The following MYRF variants were observed in gnomAD, a reference collection of about 807,000 sequenced individuals.
The protein encoded by MYRF is myelin regulatory factor.
Under a neutral mutation model 126.3 loss-of-function variants are expected in MYRF, and 16 were observed. The observed-to-expected ratio is 0.13, with a 90% CI of 0.09 to 0.19. MYRF has a LOEUF of 0.19. Among genes scored for constraint, MYRF ranks in the 10% least tolerant of loss-of-function variants. MYRF has a pLI of 1.00. For missense variants in MYRF, 1,104 were observed against 1,547.0 expected, an observed-to-expected ratio of 0.71 and a Z score of 4.80; for synonymous variants, 608 against 635.3, an observed-to-expected ratio of 0.96 and a Z score of 0.65.
Position 61,779,489 on chromosome 11 carries a change from TTGC to T in MYRF, c.2175-5_2175-3del. ...AGGGACACCCCTGATCCTGGCCCTC[TTGC>T]TGCAGCCATGCAGGGAGCCAGTTCA... On this transcript the variant is annotated splice_region_variant and splice_polypyrimidine_tract_variant and intron_variant, in intron 15 of 26. Coordinates refer to ENST00000278836, the MANE Select transcript of MYRF (RefSeq NM_001127392.3). 2.6e-6 allele frequency: 4 copies of T among 1,532,648 alleles called. No homozygotes were observed. The highest frequency in any genetic ancestry group is 3.5e-6 in the Non-Finnish European group (4 of 1,136,820). The allele number at this position is 1,532,648 out of a possible 1,614,324, so 94.9% of individuals were successfully genotyped here.
At position 61,770,352 on chromosome 11, in the gene MYRF, G is replaced by GCCCCCCCCCCC; in HGVS notation, c.569_570insCCCCCCCCCCC (p.Pro194HisfsTer18). 4.2e-6 allele frequency: 1 copy of GCCCCCCCCCCC among 237,454 alleles called. No individual in the cohort carries two copies. The highest frequency in any genetic ancestry group is 5.7e-5 in the South Asian group (1 of 17,692). 14.7% of individuals were successfully genotyped at this position (237,454 alleles called of 1,614,324 possible). ...CTCCAGCCCACTTGCCAGGCCCCCC[G>GCCCCCCCCCCC]CCACCCCCACCACCCCCACCTCACT... On this transcript the variant is annotated frameshift_variant, in exon 5 of 27. Transcript: ENST00000278836. LOFTEE classifies it high-confidence loss of function.
intron 26 of MYRF, 48 bp downstream of exon 26, chr11:61,785,922 T>G: frequency 6.3e-7 from 1 of 1,588,558 alleles, no homozygotes; most frequent in East Asian, 2.2e-5. Flanking sequence ...CACCCCTGTC[T>G]GCGACGTGGG....
Position 61,779,912 on chromosome 11 carries a change from T to G in MYRF, c.2318T>G (p.Val773Gly). Residue 773 changes from valine (V) to glycine (G), a missense_variant, in exon 17 of 27, where the codon GTG becomes GGG. Coordinates refer to ENST00000278836, the MANE Select transcript of MYRF (RefSeq NM_001127392.3). ...RFLQGTIIAL[V>G]VVMAFSVVSM... is the part of the protein sequence containing the mutation. ...CTGCAGGGAACCATCATTGCCCTGG[T>G]GGTGGTCATGGCCTTCAGGTGACTT... 6.2e-7 allele frequency: 1 copy of G among 1,613,934 alleles called. No individual in the cohort carries two copies. Among genetic ancestry groups the G allele is most frequent in the East Asian group, 2.2e-5 (1 of 44,880 alleles).
At position 61,770,259 on chromosome 11, in the gene MYRF, G is replaced by A; in HGVS notation, c.474G>A (p.Leu158=). 2 of 1,607,644 alleles carry A rather than the reference G, an allele frequency of 1.2e-6. No individual in the cohort carries two copies. Among genetic ancestry groups the A allele is most frequent in the Non-Finnish European group, 1.7e-6 (2 of 1,178,440 alleles). The part of the protein sequence containing the change: ...SPQQVNEPHL[L]RTITPETLCH... ...TCTCTCCTGCAGAGCCCCACCTCCTGCGCACGATAACCCCTGAGACACTGT... is the reference window on the plus strand; with the variant it reads ...TCTCTCCTGCAGAGCCCCACCTCCTACGCACGATAACCCCTGAGACACTGT... The change falls in exon 5 of 27, where the codon CTG becomes CTA. Residue 158 remains leucine, a synonymous_variant. Coordinates refer to ENST00000278836, the MANE Select transcript of MYRF (RefSeq NM_001127392.3).
chr11:61,781,395 C>G, intron 21 of MYRF, 66 bp downstream of exon 21: 1 of 1,582,030 alleles, frequency 6.3e-7, no homozygotes, highest in Non-Finnish European at 8.6e-7. Context: ...GGCCCAAATA[C>G]TCATTGGTGG....
chr11:61,781,284 G>A lies in MYRF; in HGVS notation c.2719G>A (p.Gly907Ser), dbSNP rs1275417835. 6.2e-7 allele frequency: 1 copy of A among 1,614,116 alleles called. No individual in the cohort carries two copies. ...GPSLGPSFNPGHVLSPSPSPS... is the reference protein window; with the variant it reads ...GPSLGPSFNPSHVLSPSPSPS... Reference sequence around the variant, plus strand: ...TAGTCTTGGCCCCAGCTTTAACCCTGGCCATGTTCTCAGCCCAAGTCCCAG... The same window carrying A: ...TAGTCTTGGCCCCAGCTTTAACCCTAGCCATGTTCTCAGCCCAAGTCCCAG... Residue 907 changes from glycine to serine, a missense_variant, in exon 21 of 27, where the codon GGC becomes AGC. Gly to Ser is a moderately conservative substitution (Grantham distance 56). This residue lies in a region of MYRF where 323 missense variants were observed against 383.1 expected (regional missense o/e 0.84). Transcript: ENST00000278836.
At position 61,757,594 on chromosome 11, in the gene MYRF, G is replaced by T. The variant is rs571303456; in HGVS notation, c.46+4804G>T. The stretch of plus-strand genomic sequence containing the variant: ...GCAAGGCCTGAACCATGACAGCTCT[G>T]GCCCAGCGTGGCCTGGTCCTGGTCC... On this transcript the variant is annotated intron_variant, in intron 1 of 26. Coordinates refer to ENST00000278836, the MANE Select transcript of MYRF (RefSeq NM_001127392.3). The surrounding 1 kb of genome is among the most constrained non-coding windows in gnomAD (Gnocchi z 4.7). The T allele has an allele frequency of 5.0e-5, 23 of 456,014 alleles. No individual in the cohort carries two copies. The highest frequency in any genetic ancestry group is 4.6e-4 in the African/African-American group (23 of 50,146). The allele number at this position is 456,014 out of a possible 1,614,324, so 28.2% of individuals were successfully genotyped here. A position where few individuals can be genotyped will look rare whatever the true frequency, so the allele number is the denominator to read the frequency against.
chr11:61,760,841 T>C (rs1565280310), intron 1 of MYRF, among the ~76,000 whole-genome samples: 2 of 152,130 alleles, frequency 1.3e-5, no homozygotes, highest in South Asian at 4.1e-4. Context: ...AAACCAGGCC[T>C]CTTTGACTCT....
intron 24 of MYRF, 50 bp from the exon 25 acceptor site, chr11:61,784,230 G>A (rs2066630729): frequency 6.4e-7 from 1 of 1,555,792 alleles, no homozygotes; most frequent in Non-Finnish European, 8.8e-7. Context: ...GGGGGCTGGG[G>A]TTGAGGGACT....
At chr11:61,761,257 G>GTT (rs1418152640) in intron 1 of MYRF, among the ~76,000 whole-genome samples, 3 of 131,810 alleles carry the variant, frequency 2.3e-5, no homozygotes, top group South Asian at 2.5e-4. Context: ...GGCCACAGCT[G>GTT]GTGGGGGGGG....
At position 61,757,728 on chromosome 11, in the gene MYRF, A is replaced by G. The variant is rs2065799130; in HGVS notation, c.46+4938A>G. On this transcript the variant is annotated intron_variant, in intron 1 of 26. Coordinates refer to ENST00000278836, the MANE Select transcript of MYRF (RefSeq NM_001127392.3). The surrounding 1 kb of genome is among the most constrained non-coding windows in gnomAD (Gnocchi z 4.7). ...GCTGTATTGTGACTTCATCTGCTGCACCCAGGCTCTTTGCACGTTGTCTTC... is the reference window on the plus strand; with the variant it reads ...GCTGTATTGTGACTTCATCTGCTGCGCCCAGGCTCTTTGCACGTTGTCTTC... 2.8e-6 allele frequency: 1 copy of G among 352,454 alleles called. No individual in the cohort carries two copies. Among genetic ancestry groups the G allele is most frequent in the Admixed American group, 3.7e-5 (1 of 27,016 alleles). The allele number at this position is 352,454 out of a possible 1,614,324, so 21.8% of individuals were successfully genotyped here. A position where few individuals can be genotyped will look rare whatever the true frequency, so the allele number is the denominator to read the frequency against.
In MYRF at chr11:61,781,239, A is replaced by G. The variant is rs1192195663; in HGVS notation, c.2674A>G (p.Thr892Ala). 16 of 1,613,706 alleles carry G rather than the reference A, an allele frequency of 9.9e-6. No individual in the cohort carries two copies. Among genetic ancestry groups the G allele is most frequent in the Admixed American group, 6.7e-5 (4 of 59,980 alleles). Residue 892 changes from threonine to alanine, a missense_variant, in exon 21 of 27, where the codon ACC (threonine) becomes GCC (alanine). By Grantham distance (58) the Thr-to-Ala change is moderately conservative. Transcript: ENST00000278836. ...TGTCATCTGCTGTTCCTCACCCACT[A>G]CCAACCCTACCACTGGTCCTAGTCT... ...CPVICCSSPT[T>A]NPTTGPSLGP... is the part of the protein sequence containing the mutation.
At chr11:61,784,482 G>A (rs946142832) in intron 25 of MYRF, 97 bp downstream of exon 25, 3 of 990,384 alleles carry the variant, frequency 3.0e-6, no homozygotes, top group Non-Finnish European at 4.6e-6. Context: ...GAAGCTGGGA[G>A]TTATAGAGTA....
intron 15 of MYRF, 31 bp downstream of exon 15, chr11:61,779,454 C>G: frequency 6.5e-7 from 1 of 1,547,842 alleles, no homozygotes; most frequent in Non-Finnish European, 8.7e-7. Context: ...AAGGTGAGAC[C>G]CTTCTTCCCA....
intron 3 of MYRF, chr11:61,767,057 C>T (rs778702332): frequency 4.4e-6 from 2 of 456,580 alleles, no homozygotes; most frequent in African/African-American, 2.0e-5. Context: ...TCAAGATTAT[C>T]GTGGGAAGCA....
intron 1 of MYRF, among the ~76,000 whole-genome samples, chr11:61,761,079 C>T (rs959348524): frequency 6.6e-6 from 1 of 152,172 alleles, no homozygotes; most frequent in Non-Finnish European, 1.5e-5. Context: ...CCCGGCCCAC[C>T]CTACCCACAG....
chr11:61,780,007 T>C (rs1475526144), intron 17 of MYRF, 77 bp downstream of exon 17: 2 of 1,385,342 alleles, frequency 1.4e-6, no homozygotes, highest in East Asian at 2.4e-5. Flanking sequence ...GCCCATGGGC[T>C]CAGGCCTGGG....
At chr11:61,771,991 C>A in intron 7 of MYRF, 39 bp downstream of exon 7, 5 of 1,610,364 alleles carry the variant, frequency 3.1e-6, no homozygotes, top group Non-Finnish European at 4.2e-6. Flanking sequence ...TCCAGGCCCC[C>A]CCACCTTGGG....
Position 61,769,264 on chromosome 11 carries a change from C to G in MYRF, c.403C>G (p.Leu135Val). ...CCCTTCCCCTGGCTCTCGCAGCACA[C>G]TGCCGGACTCTCCCCCAGACTCGGG... ...EPKAPYAPGT[L>V]PDSPPDSGSE... Residue 135 changes from leucine to valine, a missense_variant, in exon 4 of 27, where the codon CTG becomes GTG. Coordinates refer to ENST00000278836, the MANE Select transcript of MYRF (RefSeq NM_001127392.3). 6.2e-7 allele frequency: 1 copy of G among 1,603,204 alleles called. No individual in the cohort carries two copies. The highest frequency in any genetic ancestry group is 8.5e-7 in the Non-Finnish European group (1 of 1,175,426).
Sources: gnomAD v4.1 joint callset for allele counts (sites outside exome capture counted in the v4.1 genomes callset) on GRCh38, gnomAD v4.1.1 for gene constraint, gnomAD v4.1.1 regional missense constraint, Gnocchi (gnomAD v3.1) non-coding constraint, MANE v1.5 for transcripts, NCBI Gene and HGNC (gene_info 2026-07-23, HGNC 2026-07-21) for gene names.